Variants in DDAH1 observed in about 807,000 individuals in gnomAD.
The protein encoded by DDAH1 is dimethylarginine dimethylaminohydrolase 1.
DDAH1 carries 19 observed loss-of-function variants against 28.8 expected under a neutral mutation model. The ratio of observed to expected loss-of-function variants is 0.66; its 90% CI spans 0.46 to 0.97. The LOEUF (loss-of-function observed/expected upper bound fraction) is 0.97, where lower values mean the gene tolerates loss of function less well. Among genes scored for constraint, DDAH1 ranks in the 50% least tolerant of loss-of-function variants. DDAH1 has a pLI of 0.00. For missense variants in DDAH1, 326 were observed against 375.9 expected, an observed-to-expected ratio of 0.87 and a Z score of 1.10; for synonymous variants, 153 against 154.4, an observed-to-expected ratio of 0.99 and a Z score of 0.07.
At chr1:85,537,135 G>T (rs1375973526) in intron 1 of DDAH1, among the ~76,000 whole-genome samples, 2 of 151,492 alleles carry the variant, frequency 1.3e-5, no homozygotes, top group Admixed American at 6.6e-5. Flanking sequence ...GAGCTCAGGA[G>T]TTCGTGACCA....
At chr1:85,576,094 A>AG (rs1659595115) in intron 1 of DDAH1, among the ~76,000 whole-genome samples, 1 of 151,436 alleles carries the variant, frequency 6.6e-6, no homozygotes, top group East Asian at 1.9e-4. Context: ...AAAAAAAAGA[A>AG]AAAAAAAAGA....
intron 4 of DDAH1, among the ~76,000 whole-genome samples, chr1:85,336,308 A>C (rs1362151208): frequency 2.0e-5 from 3 of 152,196 alleles, no homozygotes; most frequent in Non-Finnish European, 4.4e-5. Flanking sequence ...AGTATCAACA[A>C]ATATTAAAAA....
At chr1:85,488,639 T>C (rs1656284471) in intron 2 of DDAH1, among the ~76,000 whole-genome samples, 1 of 152,184 alleles carries the variant, frequency 6.6e-6, no homozygotes, top group Admixed American at 6.5e-5. Context: ...CTATTCTTTT[T>C]TACAGTTGCA....
intron 1 of DDAH1, among the ~76,000 whole-genome samples, chr1:85,382,959 T>C (rs1231033593): frequency 6.6e-6 from 1 of 152,242 alleles, no homozygotes; most frequent in Non-Finnish European, 1.5e-5. Context: ...TCATTGACAA[T>C]GCACCTGGTC....
intron 1 of DDAH1, among the ~76,000 whole-genome samples, chr1:85,432,702 T>C (rs1463538149): frequency 6.6e-6 from 1 of 152,190 alleles, no homozygotes; most frequent in African/African-American, 2.4e-5. Context: ...GAAACAGAAA[T>C]GAATCTCAGT....
chr1:85,353,913 G>C (rs1329389741), intron 2 of DDAH1, among the ~76,000 whole-genome samples: 3 of 151,988 alleles, frequency 2.0e-5, no homozygotes, highest in Non-Finnish European at 4.4e-5. Context: ...AAAAGACTAA[G>C]GTGTTCGGAG....
At chr1:85,535,190 C>A (rs1236920631) in intron 1 of DDAH1, among the ~76,000 whole-genome samples, 1 of 152,170 alleles carries the variant, frequency 6.6e-6, no homozygotes, top group Admixed American at 6.5e-5. Context: ...TGTTAAAATT[C>A]TTCAAAATAT....
At chr1:85,381,474 G>A (rs2100908898) in intron 1 of DDAH1, among the ~76,000 whole-genome samples, 1 of 151,692 alleles carries the variant, frequency 6.6e-6, no homozygotes, top group East Asian at 2.0e-4. Context: ...CCAATGTGTA[G>A]TCTTTTATCC....
chr1:85,326,405 C>A (rs1647398104), intron 4 of DDAH1, among the ~76,000 whole-genome samples: 1 of 152,186 alleles, frequency 6.6e-6, no homozygotes, highest in Non-Finnish European at 1.5e-5. Context: ...TAGCAGGGCA[C>A]CATGCCAAAC....
intron 4 of DDAH1, among the ~76,000 whole-genome samples, chr1:85,345,167 A>T (rs1648764405): frequency 6.6e-6 from 1 of 152,174 alleles, no homozygotes; most frequent in Admixed American, 6.5e-5. Context: ...CCTCTTGTTT[A>T]ACTATGTGCA....
chr1:85,561,755 CA>C (rs1659147398), intron 1 of DDAH1, among the ~76,000 whole-genome samples: 1 of 152,150 alleles, frequency 6.6e-6, no homozygotes, highest in Admixed American at 6.5e-5. Context: ...CCTGCCACTA[CA>C]GAAAGCCAAT....
In DDAH1 at chr1:85,464,419, A is replaced by C. The variant is rs1655257633; in HGVS notation, c.303+324T>G. On this transcript the variant is annotated intron_variant, in intron 1 of 5. Coordinates refer to ENST00000284031, the MANE Select transcript of DDAH1 (RefSeq NM_012137.4). This position sits in a 1 kb window ranked among gnomAD's most constrained non-coding sequence, Gnocchi z 4.4. The stretch of plus-strand genomic sequence containing the variant: ...GGCCCTCGCTCCCTGGGAAACACTC[A>C]GAGTTGCACTGTCGTCGCTGCCGTT... 7.5e-7 allele frequency: 1 copy of C among 1,341,944 alleles called. No individual in the cohort carries two copies. Among genetic ancestry groups the C allele is most frequent in the African/African-American group, 1.5e-5 (1 of 68,370 alleles). The allele number at this position is 1,341,944 out of a possible 1,614,324, so 83.1% of individuals were successfully genotyped here. A position where few individuals can be genotyped will look rare whatever the true frequency, so the allele number is the denominator to read the frequency against.
At chr1:85,350,268 T>A in intron 4 of DDAH1, 147 bp downstream of exon 4, 1 of 1,007,686 alleles carries the variant, frequency 9.9e-7, no homozygotes, top group Admixed American at 2.5e-5. Flanking sequence ...GAATGTGAGG[T>A]CACAACAGTG....
intron 1 of DDAH1, among the ~76,000 whole-genome samples, chr1:85,438,237 C>T (rs541791909): frequency 6.6e-6 from 1 of 152,214 alleles, no homozygotes; most frequent in East Asian, 1.9e-4. Context: ...TGCTCAGTAC[C>T]TGGGTGATGA....
intron 4 of DDAH1, among the ~76,000 whole-genome samples, chr1:85,327,274 A>G (rs900551998): frequency 6.6e-6 from 1 of 152,192 alleles, no homozygotes; most frequent in Non-Finnish European, 1.5e-5. Context: ...ACCAGCCGAG[A>G]TAGTGCCACT....
chr1:85,561,719 G>A (rs1193939434), intron 1 of DDAH1, among the ~76,000 whole-genome samples: 1 of 152,164 alleles, frequency 6.6e-6, no homozygotes, highest in African/African-American at 2.4e-5. Context: ...AACATGTTAG[G>A]TGTAATGATG....
At chr1:85,436,119 T>C (rs1306891625) in intron 1 of DDAH1, among the ~76,000 whole-genome samples, 1 of 152,124 alleles carries the variant, frequency 6.6e-6, no homozygotes, top group African/African-American at 2.4e-5. Context: ...CTGTTTTATA[T>C]TTTATTGCAT....
intron 4 of DDAH1, among the ~76,000 whole-genome samples, chr1:85,329,478 C>T (rs1382254531): frequency 6.6e-6 from 1 of 152,176 alleles, no homozygotes; most frequent in Non-Finnish European, 1.5e-5. Flanking sequence ...TCATTTAAAG[C>T]TTCTGGTGGG....
At chr1:85,494,412 A>G (rs1656509265) in intron 2 of DDAH1, 1 of 152,214 alleles carries the variant, frequency 6.6e-6, no homozygotes, top group African/African-American at 2.4e-5. Context: ...TTTTCATAAT[A>G]TGTAGCCACC....
Sources: gnomAD v4.1 joint callset for allele counts (sites outside exome capture counted in the v4.1 genomes callset) on GRCh38, gnomAD v4.1.1 for gene constraint, Gnocchi (gnomAD v3.1) non-coding constraint, MANE v1.5 for transcripts, NCBI Gene and HGNC (gene_info 2026-07-23, HGNC 2026-07-21) for gene names.